Variants in PWWP3A observed in about 807,000 individuals in gnomAD.
PWWP3A encodes PWWP domain containing 3A, DNA repair factor.
Under a neutral mutation model 79.0 loss-of-function variants are expected in PWWP3A, and 53 were observed. The ratio of observed to expected loss-of-function variants is 0.67; its 90% CI spans 0.54 to 0.84. The LOEUF (loss-of-function observed/expected upper bound fraction) is 0.84. Ranked by LOEUF, PWWP3A falls within the 40% of genes least tolerant of loss-of-function variation. The pLI is 0.00. For synonymous variants in PWWP3A, 443 were observed against 394.4 expected, an observed-to-expected ratio of 1.12 and a Z score of -1.46; for missense variants, 973 against 948.0, an observed-to-expected ratio of 1.03 and a Z score of -0.35.
intron 7 of PWWP3A, 51 bp downstream of exon 7, chr19:1,364,630 A>C (rs2082091219): frequency 7.7e-7 from 1 of 1,291,062 alleles, no homozygotes; most frequent in South Asian, 1.3e-5. Context: ...AAATTTCATG[A>C]ATTTTTATTC....
In PWWP3A at chr19:1,371,039, C is replaced by T. The variant is rs188024142; in HGVS notation, c.1947C>T (p.Gly649=). ...CCAAGGTGCTCCAGCGCACCAACGG[C>T]GACCGGATCCGGTTCATTCTGGACG... ...VGAKVLQRTN[G]DRIRFILDVL... The change falls in exon 12 of 14, where the codon GGC becomes GGT. Residue 649 remains glycine (G), a synonymous_variant. Transcript: ENST00000591337. The T allele has an allele frequency of 1.5e-5, 24 of 1,572,082 alleles. 1 individual carries two copies. Among genetic ancestry groups the T allele is most frequent in the Admixed American group, 3.7e-5 (2 of 53,828 alleles).
chr19:1,360,904 G>T lies in PWWP3A; in HGVS notation c.983G>T (p.Gly328Val), dbSNP rs1160197252. 6.5e-7 allele frequency: 1 copy of T among 1,540,816 alleles called. No homozygotes were observed. Among genetic ancestry groups the T allele is most frequent in the Non-Finnish European group, 8.8e-7 (1 of 1,142,728 alleles). ...PMAAGAAPSP[G>V]PGPGPRESVT... ...GCAGCAGGGGCCGCACCATCCCCCG[G>T]GCCGGGGCCAGGGCCCAGAGAGTCT... Residue 328 changes from glycine to valine, a missense_variant, in exon 5 of 14, where the codon GGG becomes GTG. Gly to Val is a moderately radical substitution (Grantham distance 109, BLOSUM62 -3). Transcript: ENST00000591337. The surrounding 1 kb of genome is among the most constrained non-coding windows in gnomAD (Gnocchi z 4.4).
chr19:1,362,672 C>T (rs1033881210), intron 6 of PWWP3A, among the ~76,000 whole-genome samples: 6 of 152,208 alleles, frequency 3.9e-5, no homozygotes, highest in Non-Finnish European at 5.9e-5. Context: ...CCCAGTGAGC[C>T]GAGGGGCTGC....
intron 7 of PWWP3A, 123 bp from the exon 8 acceptor site, chr19:1,366,182 C>T (rs900648127): frequency 3.1e-5 from 5 of 159,306 alleles, no homozygotes; most frequent in East Asian, 2.8e-4. Context: ...GGAGACTTCG[C>T]TGGGGTCACC....
intron 3 of PWWP3A, chr19:1,358,183 TAAAAG>T (rs1398590011): frequency 6.6e-5 from 33 of 502,780 alleles, no homozygotes; most frequent in Middle Eastern, 4.9e-4. Flanking sequence ...TTTTCTGTCT[TAAAAG>T]GAAAAAAAAA....
At chr19:1,361,365 C>T (rs1324595950) in intron 5 of PWWP3A, among the ~76,000 whole-genome samples, 1 of 152,186 alleles carries the variant, frequency 6.6e-6, no homozygotes. Flanking sequence ...CGGCTGCACC[C>T]CGAGGATTAA....
chr19:1,356,517 C>G (rs927674808), intron 2 of PWWP3A, 68 bp downstream of exon 2: 1 of 1,444,158 alleles, frequency 6.9e-7, no homozygotes, highest in Non-Finnish European at 9.7e-7. Context: ...AAATCTTGAT[C>G]AGGAGATACC....
intron 12 of PWWP3A, 199 bp downstream of exon 12, chr19:1,371,277 G>A (rs568347145): frequency 1.2e-5 from 9 of 741,300 alleles, no homozygotes; most frequent in Non-Finnish European, 1.9e-5. Flanking sequence ...GTGCGGAGAC[G>A]GAGCCGCTTA....
At position 1,360,545 on chromosome 19, in the gene PWWP3A, C is replaced by G; in HGVS notation, c.624C>G (p.His208Gln). The G allele has an allele frequency of 1.2e-6, 2 of 1,614,200 alleles. No individual in the cohort carries two copies. The highest frequency in any genetic ancestry group is 1.7e-6 in the Non-Finnish European group (2 of 1,180,026). ...AQDESGSRIH[H>Q]KNWTLASKRG... ...ATGAGAGTGGGTCCAGAATCCACCA[C>G]AAAAATTGGACTCTTGCAAGTAAGA... Residue 208 changes from histidine (H) to glutamine (Q), a missense_variant, in exon 5 of 14, where the codon CAC becomes CAG. Coordinates refer to ENST00000591337, the MANE Select transcript of PWWP3A (RefSeq NM_001369789.1). This position sits in a 1 kb window ranked among gnomAD's most constrained non-coding sequence, Gnocchi z 4.4.
At chr19:1,375,428 T>A (rs2082344919) in intron 13 of PWWP3A, among the ~76,000 whole-genome samples, 1 of 66,734 alleles carries the variant, frequency 1.5e-5, no homozygotes, top group Non-Finnish European at 3.1e-5. Flanking sequence ...ATATATAAAA[T>A]ATATATAGCC....
At chr19:1,364,675 T>C in intron 7 of PWWP3A, 96 bp downstream of exon 7, 1 of 1,043,334 alleles carries the variant, frequency 9.6e-7, no homozygotes, top group Non-Finnish European at 1.4e-6. Flanking sequence ...TTGATCAGGA[T>C]AAATGTTTTC....
rs1481748156 is a variant in PWWP3A at position 1,369,015 on chromosome 19, C to T, written c.1423-250C>T. ...CACCTGCGTTCAGATCAGCCCAAGC[C>T]ATCGGGTCCCCGGTGCCCACCATTT... On this transcript the variant is annotated intron_variant, in intron 9 of 13. Coordinates refer to ENST00000591337, the MANE Select transcript of PWWP3A (RefSeq NM_001369789.1). The surrounding 1 kb of genome is among the most constrained non-coding windows in gnomAD (Gnocchi z 4.0). 2.2e-6 allele frequency: 1 copy of T among 460,312 alleles called. No individual in the cohort carries two copies. The highest frequency in any genetic ancestry group is 4.0e-6 in the Non-Finnish European group (1 of 249,026). The allele number at this position is 460,312 out of a possible 1,614,324, so 28.5% of individuals were successfully genotyped here. A position where few individuals can be genotyped will look rare whatever the true frequency, so the allele number is the denominator to read the frequency against.
At chr19:1,356,131 C>G (rs1349063198) in intron 1 of PWWP3A, among the ~76,000 whole-genome samples, 193 bp from the exon 2 acceptor site, 1 of 152,142 alleles carries the variant, frequency 6.6e-6, no homozygotes, top group Non-Finnish European at 1.5e-5. Flanking sequence ...AATGCAGGCG[C>G]CTCCCTGGAT....
At position 1,375,817 on chromosome 19, in the gene PWWP3A, T is replaced by A. The variant is rs1366498497; in HGVS notation, c.2076-702T>A. 7.6e-5 allele frequency among the ~76,000 whole-genome samples: 11 copies of A among 144,048 alleles called. No individual in the cohort carries two copies. In the Admixed American group the frequency reaches 7.9e-4, roughly 10 times the overall value. 94.5% of individuals were successfully genotyped at this position (144,048 alleles called of 152,430 possible). On this transcript the variant is annotated intron_variant, in intron 13 of 13. Transcript: ENST00000591337. ...ACACATATGTATTTATTTATTTTTT[T>A]TTTTTTGAGACAGAGTCTTGCTCTG...
Position 1,376,566 on chromosome 19 carries a change from G to A in PWWP3A, c.2123G>A (p.Arg708His), listed in dbSNP as rs1185052771. The A allele has an allele frequency of 8.1e-6, 13 of 1,613,394 alleles. No individual in the cohort carries two copies. The highest frequency in any genetic ancestry group is 2.7e-5 in the African/African-American group (2 of 74,892). ...CAGCTCCTTGAAGAGCGGAACCGGC[G>A]CCGTCGGTGAGGGAGCAGCCGGCTG... Reference protein sequence around the residue: ...DNQLLEERNRRRR With the variant: ...DNQLLEERNRHRR Residue 708 changes from arginine to histidine, a missense_variant, in exon 14 of 14, where the codon CGC (arginine) becomes CAC (histidine). Arg to His is a conservative substitution (Grantham distance 29, BLOSUM62 0). Transcript: ENST00000591337.
At chr19:1,376,239 C>T (rs1167108692) in intron 13 of PWWP3A, among the ~76,000 whole-genome samples, 2 of 150,580 alleles carry the variant, frequency 1.3e-5, no homozygotes, top group East Asian at 3.9e-4. Flanking sequence ...GATTCTCCTA[C>T]CTCAGCCTCC....
Position 1,356,334 on chromosome 19 carries a change from C to T in PWWP3A, c.-59C>T. ...CAAATTTCGTTCCAGGACACATTGG[C>T]GTGAGACCTGGGAGTACGTTGTGCC... On this transcript the variant is annotated 5_prime_UTR_variant, in exon 2 of 14. Coordinates refer to ENST00000591337, the MANE Select transcript of PWWP3A (RefSeq NM_001369789.1). 7 of 1,550,790 alleles carry T rather than the reference C, an allele frequency of 4.5e-6. No individual in the cohort carries two copies. The highest frequency in any genetic ancestry group is 3.3e-5 in the South Asian group (3 of 89,746).
rs1320224576 is a variant in PWWP3A, at chr19:1,377,011, T to C, written c.*435T>C. 1 of 154,666 alleles carries C rather than the reference T, an allele frequency of 6.5e-6. No individual in the cohort carries two copies. The highest frequency in any genetic ancestry group is 1.4e-5 in the Non-Finnish European group (1 of 69,912). The allele number at this position is 154,666 out of a possible 1,614,324, so 9.6% of individuals were successfully genotyped here. On this transcript the variant is annotated 3_prime_UTR_variant, in exon 14 of 14. Coordinates refer to ENST00000591337, the MANE Select transcript of PWWP3A (RefSeq NM_001369789.1). ...GAATGGTTCTTCCGGGTTTGCTGTTTTGTCTGTTTCCCCCTTGTGTGGTTT... is the reference window on the plus strand; with the variant it reads ...GAATGGTTCTTCCGGGTTTGCTGTTCTGTCTGTTTCCCCCTTGTGTGGTTT...
rs994486003 is a variant in PWWP3A, at chr19:1,367,273, A to G, written c.1422+53A>G. 21 of 1,434,002 alleles carry G rather than the reference A, an allele frequency of 1.5e-5. No individual in the cohort carries two copies. In the African/African-American group the frequency reaches 3.0e-4, roughly 20 times the overall value. The allele number at this position is 1,434,002 out of a possible 1,614,324, so 88.8% of individuals were successfully genotyped here. On this transcript the variant is annotated intron_variant, in intron 9 of 13. Coordinates refer to ENST00000591337, the MANE Select transcript of PWWP3A (RefSeq NM_001369789.1). ...TTAAATGGTTTACTTTGTGATTAGT[A>G]AATATGTCCTCTGTGTGTAGCTCTT...
Sources: gnomAD v4.1 joint callset for allele counts (sites outside exome capture counted in the v4.1 genomes callset) on GRCh38, gnomAD v4.1.1 for gene constraint, Gnocchi (gnomAD v3.1) non-coding constraint, MANE v1.5 for transcripts, NCBI Gene and HGNC (gene_info 2026-07-23, HGNC 2026-07-21) for gene names.